The following SHC3 variants were observed in gnomAD, a reference collection of about 807,000 sequenced individuals.
SHC3 encodes the protein SHC adaptor protein 3, also known as SHC-transforming protein 3.
In SHC3, 15 loss-of-function variants were observed where a neutral mutation model predicts 60.4. The observed-to-expected ratio is 0.25, with a 90% confidence interval of 0.17 to 0.38. The LOEUF is 0.38. Among genes scored for constraint, SHC3 ranks in the 10% least tolerant of loss-of-function variants. The pLI, the probability that SHC3 is intolerant of heterozygous loss-of-function variation, is 1.00. For synonymous variants in SHC3, 294 were observed against 325.9 expected (o/e 0.90, Z 1.05); for missense variants, 677 against 786.1 (o/e 0.86, Z 1.66).
intron 2 of SHC3, among the ~76,000 whole-genome samples, chr9:89,091,316 C>G (rs1387210317): frequency 6.6e-6 from 1 of 152,124 alleles, no homozygotes; most frequent in Non-Finnish European, 1.5e-5. Flanking sequence ...GGCACACAAA[C>G]AAATGCATCA....
intron 1 of SHC3, among the ~76,000 whole-genome samples, chr9:89,113,258 T>G (rs944520445): frequency 1.3e-5 from 2 of 152,278 alleles, no homozygotes; most frequent in Non-Finnish European, 2.9e-5. Flanking sequence ...GTTTCACACA[T>G]GAAAATGTAT....
chr9:89,020,778 C>T (rs1338233392), intron 11 of SHC3, among the ~76,000 whole-genome samples: 1 of 152,152 alleles, frequency 6.6e-6, no homozygotes, highest in Non-Finnish European at 1.5e-5. Context: ...CCCTCACCAA[C>T]TCTCCATGTC....
chr9:89,032,992 C>A (rs1333877693), intron 11 of SHC3, among the ~76,000 whole-genome samples: 1 of 147,232 alleles, frequency 6.8e-6, no homozygotes, highest in African/African-American at 2.4e-5. Flanking sequence ...ATCAATTTAA[C>A]TAAAAAATTA....
intron 4 of SHC3, among the ~76,000 whole-genome samples, chr9:89,072,393 T>A (rs1825288948): frequency 6.6e-6 from 1 of 152,172 alleles, no homozygotes; most frequent in South Asian, 2.1e-4. Flanking sequence ...CACTGAGGTC[T>A]CTGACACAGA....
intron 1 of SHC3, among the ~76,000 whole-genome samples, chr9:89,114,970 G>A (rs1826000799): frequency 6.6e-6 from 1 of 152,112 alleles, no homozygotes; most frequent in African/African-American, 2.4e-5. Context: ...TATGTAAATA[G>A]GCAACCAATG....
At chr9:89,042,355 C>T (rs969160662) in intron 9 of SHC3, among the ~76,000 whole-genome samples, 171 bp from the exon 10 acceptor site, 2 of 152,228 alleles carry the variant, frequency 1.3e-5, no homozygotes, top group African/African-American at 2.4e-5. Context: ...TGTGACCCAG[C>T]TAGGATGTTT....
intron 2 of SHC3, among the ~76,000 whole-genome samples, chr9:89,094,028 T>C (rs1442186427): frequency 6.8e-6 from 1 of 148,058 alleles, no homozygotes; most frequent in Non-Finnish European, 1.5e-5. Context: ...TGCTTGAACC[T>C]GGGAAGCAGA....
rs150028611 is a variant in SHC3 at position 89,076,949 on chromosome 9, C to T, written c.609+891G>A. 5.5e-3 allele frequency among the ~76,000 whole-genome samples: 842 copies of T among 152,202 alleles called. 10 individuals carry two copies. The highest frequency in any genetic ancestry group is 0.019 in the African/African-American group (782 of 41,524). ...ATCCCAACACTTTGGGAAGCCAAGG[C>T]GGGTGGATCACGAGGTCAAGAGGTC... On this transcript the variant is annotated intron_variant, in intron 3 of 11. Coordinates refer to ENST00000375835, the MANE Select transcript of SHC3 (RefSeq NM_016848.6).
rs376345874 is a variant in SHC3, at chr9:89,106,556, G to A, written c.545+6000C>T. ...CCTTCAGTAGTGAGGGGAGGCAGTC[G>A]GTGAGCAGACATCCTAGCTTCCCCA... On this transcript the variant is annotated intron_variant, in intron 2 of 11. Transcript: ENST00000375835. Among the ~76,000 whole-genome samples, 155 of 152,248 alleles carry A rather than the reference G, an allele frequency of 1.0e-3. No individual in the cohort carries two copies. In the South Asian group the frequency reaches 0.012, roughly 12 times the overall value.
At chr9:89,171,434 C>A (rs1005359713) in intron 1 of SHC3, among the ~76,000 whole-genome samples, 2 of 152,128 alleles carry the variant, frequency 1.3e-5, no homozygotes, top group Non-Finnish European at 2.9e-5. Context: ...AGGCCAAGTT[C>A]CAGAGTTTGA....
chr9:89,090,128 T>C (rs1825599391), intron 2 of SHC3, among the ~76,000 whole-genome samples: 1 of 152,142 alleles, frequency 6.6e-6, no homozygotes, highest in Non-Finnish European at 1.5e-5. Context: ...ATGTTGCCCT[T>C]ACTCCAAGGT....
chr9:89,047,396 C>T (rs1824791827), intron 7 of SHC3, among the ~76,000 whole-genome samples: 1 of 152,196 alleles, frequency 6.6e-6, no homozygotes, highest in Non-Finnish European at 1.5e-5. Flanking sequence ...TCTCAAAATT[C>T]TCCCTTCTGC....
chr9:89,091,918 T>C (rs1470361208), intron 2 of SHC3, among the ~76,000 whole-genome samples: 1 of 151,326 alleles, frequency 6.6e-6, no homozygotes, highest in Non-Finnish European at 1.5e-5. Flanking sequence ...GATAAGAAAG[T>C]AAAGAGACTC....
At chr9:89,160,130 T>C (rs575758875) in intron 1 of SHC3, among the ~76,000 whole-genome samples, 1 of 152,334 alleles carries the variant, frequency 6.6e-6, no homozygotes, top group East Asian at 1.9e-4. Context: ...CTACAGCCCA[T>C]GTTACAGACA....
At position 89,178,537 on chromosome 9, in the gene SHC3, C is replaced by A; in HGVS notation, c.-77G>T. ...GGCGCGGGCTGCCGCGCATAGCAGG[C>A]GAGCCACTGTCCCCGGAGCGGGACG... is the stretch of plus-strand genomic sequence containing the variant. On this transcript the variant is annotated 5_prime_UTR_variant, in exon 1 of 12. Coordinates refer to ENST00000375835, the MANE Select transcript of SHC3 (RefSeq NM_016848.6). This position sits in a 1 kb window ranked among gnomAD's most constrained non-coding sequence, Gnocchi z 6.9. 1 of 1,307,228 alleles carries A rather than the reference C, an allele frequency of 7.6e-7. No individual in the cohort carries two copies. The highest frequency in any genetic ancestry group is 1.0e-6 in the Non-Finnish European group (1 of 1,003,356). The allele number at this position is 1,307,228 out of a possible 1,614,324, so 81.0% of individuals were successfully genotyped here.
At chr9:89,024,076 G>A (rs1458015614) in intron 11 of SHC3, among the ~76,000 whole-genome samples, 1 of 152,076 alleles carries the variant, frequency 6.6e-6, no homozygotes, top group Admixed American at 6.5e-5. Flanking sequence ...GGTGTGATTC[G>A]TAAGTTACCT....
intron 3 of SHC3, among the ~76,000 whole-genome samples, chr9:89,077,384 A>C (rs2118014311): frequency 6.6e-6 from 1 of 152,324 alleles, no homozygotes; most frequent in South Asian, 2.1e-4. Flanking sequence ...AGAAATTGAA[A>C]TCGGCCACAG....
chr9:89,064,709 TA>T (rs970351855), intron 6 of SHC3, among the ~76,000 whole-genome samples: 1 of 152,080 alleles, frequency 6.6e-6, no homozygotes, highest in Admixed American at 6.6e-5. Flanking sequence ...TGGGCTATCT[TA>T]AAAATATATC....
rs11137520 is a variant in SHC3, at chr9:89,126,255, C to G, written c.475-13629G>C. Among the ~76,000 whole-genome samples the G allele has an allele frequency of 9.1e-4, 139 of 152,204 alleles. 1 individual carries two copies. The highest frequency in any genetic ancestry group is 3.3e-3 in the African/African-American group (138 of 41,524). On this transcript the variant is annotated intron_variant, in intron 1 of 11. Transcript: ENST00000375835. ...CCTAAAACAAAGTGGGTTAAAGGCC[C>G]CACTTAATAAAAGGCAAGGATGAGT...
Sources: allele counts gnomAD v4.1 joint callset (sites outside exome capture counted in the v4.1 genomes callset), GRCh38; gene constraint gnomAD v4.1.1; non-coding constraint Gnocchi (gnomAD v3.1); transcripts MANE v1.5; gene names NCBI Gene and HGNC (gene_info 2026-07-23, HGNC 2026-07-21).